ANKS6: variants seen among roughly 807,000 people sequenced by gnomAD.
ANKS6 encodes ankyrin repeat and SAM domain-containing protein 6.
In ANKS6, 47 loss-of-function variants were observed where a neutral mutation model predicts 77.9. The observed-to-expected ratio is 0.60, with a 90% CI of 0.48 to 0.77. ANKS6 has a LOEUF of 0.77. Among genes scored for constraint, ANKS6 ranks in the 30% least tolerant of loss-of-function variants. The pLI, the probability that ANKS6 is intolerant of heterozygous loss-of-function variation, is 0.00. For missense variants in ANKS6, 1,150 were observed against 1,159.1 expected (o/e 0.99, Z 0.11); for synonymous variants, 488 against 501.7 (o/e 0.97, Z 0.37).
intron 12 of ANKS6, 55 bp from the exon 13 acceptor site, chr9:98,751,151 G>T: frequency 1.4e-6 from 2 of 1,385,700 alleles, no homozygotes; most frequent in Non-Finnish European, 1.0e-6. Context: ...TGGTAAAGTG[G>T]TCTTCAAACC....
intron 6 of ANKS6, among the ~76,000 whole-genome samples, chr9:98,778,803 C>T (rs536480560): frequency 1.3e-5 from 2 of 152,332 alleles, no homozygotes; most frequent in Non-Finnish European, 2.9e-5. Flanking sequence ...CTCCAGATTC[C>T]TAAGCGTCTA....
In ANKS6 at chr9:98,733,534, C is replaced by T; in HGVS notation, c.*2985G>A. The T allele has an allele frequency of 1.0e-6, 1 of 985,506 alleles. No individual in the cohort carries two copies. The allele number at this position is 985,506 out of a possible 1,614,324, so 61.0% of individuals were successfully genotyped here. A position where few individuals can be genotyped will look rare whatever the true frequency, so the allele number is the denominator to read the frequency against. ...CTGCTGGGGAGAAAAAGGTGACCAC[C>T]AAGGGCCCTGACCCACTTCCAGGGC... On this transcript the variant is annotated 3_prime_UTR_variant, in exon 15 of 15. Coordinates refer to ENST00000353234, the MANE Select transcript of ANKS6 (RefSeq NM_173551.5).
chr9:98,787,549 A>G lies in ANKS6; in HGVS notation c.862+2555T>C. ...AAGTGCCTAGAAAGGTGCCTGATAC[A>G]TAGCAGGCCTCAGTACGTCTTTGTA... On this transcript the variant is annotated intron_variant, in intron 2 of 14. Transcript: ENST00000353234. Among the ~76,000 whole-genome samples the G allele has an allele frequency of 1.3e-5, 2 of 152,326 alleles. 1 individual carries two copies. Among genetic ancestry groups the G allele is most frequent in the African/African-American group, 4.8e-5 (2 of 41,568 alleles).
chr9:98,759,900 A>T (rs1189093725), intron 11 of ANKS6, among the ~76,000 whole-genome samples: 1 of 152,226 alleles, frequency 6.6e-6, no homozygotes, highest in Non-Finnish European at 1.5e-5. Context: ...AGGAGGAATA[A>T]GTTCTAGTGC....
intron 13 of ANKS6, among the ~76,000 whole-genome samples, chr9:98,749,594 T>C (rs1832321134): frequency 6.6e-6 from 1 of 152,078 alleles, no homozygotes; most frequent in South Asian, 2.1e-4. Flanking sequence ...ACACGATACT[T>C]CAAGAAGCAG....
At chr9:98,792,990 T>A (rs765024375) in intron 1 of ANKS6, among the ~76,000 whole-genome samples, 1 of 152,260 alleles carries the variant, frequency 6.6e-6, no homozygotes, top group Non-Finnish European at 1.5e-5. Flanking sequence ...AAGTTTCTAA[T>A]AGGTAACTGC....
rs540069911 is a variant in ANKS6, at chr9:98,787,565, C to T, written c.862+2539G>A. Among the ~76,000 whole-genome samples, 124 of 152,320 alleles carry T rather than the reference C, an allele frequency of 8.1e-4. 1 individual carries two copies. The highest frequency in any genetic ancestry group is 2.9e-3 in the African/African-American group (119 of 41,570). Reference sequence around the variant, plus strand: ...GCCTGATACATAGCAGGCCTCAGTACGTCTTTGTAAAGTATCGGAATGAAT... The same window carrying T: ...GCCTGATACATAGCAGGCCTCAGTATGTCTTTGTAAAGTATCGGAATGAAT... On this transcript the variant is annotated intron_variant, in intron 2 of 14. Coordinates refer to ENST00000353234, the MANE Select transcript of ANKS6 (RefSeq NM_173551.5).
In ANKS6 at chr9:98,773,962, T is replaced by C. The variant is rs373878773; in HGVS notation, c.1736A>G (p.His579Arg). 76 of 1,599,938 alleles carry C rather than the reference T, an allele frequency of 4.8e-5. No individual in the cohort carries two copies. The highest frequency in any genetic ancestry group is 6.0e-5 in the Non-Finnish European group (71 of 1,174,840). ...LWSSDRSRTR[H>R]NGKADPMKTA... ...CTTCATGGGGTCTGCCTTCCCGTTG[T>C]GACGCGTCCGGGACCGATCAGAGCT... The change falls in exon 9 of 15, where the codon CAC (histidine) becomes CGC (arginine). Residue 579 changes from histidine to arginine, a missense_variant. His to Arg is a conservative substitution (Grantham distance 29, BLOSUM62 0). Transcript: ENST00000353234.
intron 5 of ANKS6, among the ~76,000 whole-genome samples, chr9:98,780,651 T>C (rs1277871611): frequency 6.6e-6 from 1 of 152,244 alleles, no homozygotes; most frequent in Non-Finnish European, 1.5e-5. Context: ...TGTCCCTCCC[T>C]GGCTGTGTAA....
chr9:98,744,326 G>A (rs951918646), intron 14 of ANKS6, among the ~76,000 whole-genome samples: 4 of 152,170 alleles, frequency 2.6e-5, no homozygotes, highest in Non-Finnish European at 1.5e-5. Context: ...GGGCTGAGAG[G>A]AGCCGCCTCT....
intron 11 of ANKS6, among the ~76,000 whole-genome samples, chr9:98,767,667 C>T (rs908067082): frequency 2.6e-5 from 4 of 152,242 alleles, no homozygotes; most frequent in Non-Finnish European, 2.9e-5. Context: ...ACAGCCAACA[C>T]GGACATGAGC....
At chr9:98,745,064 G>A (rs541129887) in intron 14 of ANKS6, among the ~76,000 whole-genome samples, 27 of 152,274 alleles carry the variant, frequency 1.8e-4, no homozygotes, top group Middle Eastern at 3.4e-3. Context: ...CTTTAAAGCT[G>A]ATGAGAAATT....
In ANKS6 at chr9:98,733,313, A is replaced by G; in HGVS notation, c.*3206T>C. ...CTCCGTGGCCAGCAGGGACTTGGAC[A>G]TCCAGCACTCACGACACACCAGCAA... On this transcript the variant is annotated 3_prime_UTR_variant, in exon 15 of 15. Coordinates refer to ENST00000353234, the MANE Select transcript of ANKS6 (RefSeq NM_173551.5). The G allele has an allele frequency of 1.0e-6, 1 of 985,524 alleles. No homozygotes were observed. 61.0% of individuals were successfully genotyped at this position (985,524 alleles called of 1,614,324 possible). A position where few individuals can be genotyped will look rare whatever the true frequency, so the allele number is the denominator to read the frequency against.
In ANKS6 at chr9:98,782,578, G is replaced by A; in HGVS notation, c.1113-5C>T. The A allele has an allele frequency of 6.2e-7, 1 of 1,609,690 alleles. No homozygotes were observed. Among genetic ancestry groups the A allele is most frequent in the South Asian group, 1.1e-5 (1 of 90,550 alleles). On this transcript the variant is annotated splice_region_variant and splice_polypyrimidine_tract_variant and intron_variant, in intron 4 of 14. Transcript: ENST00000353234. ...TATTTCACAATTTCCTTATTCCTGG[G>A]AAAAAATGCTAGAGTTACATTCACT... is the stretch of plus-strand genomic sequence containing the variant.
intron 8 of ANKS6, among the ~76,000 whole-genome samples, chr9:98,774,903 C>T (rs867635017): frequency 2.7e-4 from 41 of 152,220 alleles, no homozygotes; most frequent in African/African-American, 9.9e-4. Flanking sequence ...GCCGAGCAGG[C>T]GGGCATCTCC....
At chr9:98,756,278 AGAG>A in intron 12 of ANKS6, 139 bp downstream of exon 12, 1 of 874,170 alleles carries the variant, frequency 1.1e-6, no homozygotes, top group Non-Finnish European at 1.7e-6. Context: ...CAATCAGAGA[AGAG>A]GAGGGACATG....
intron 2 of ANKS6, among the ~76,000 whole-genome samples, chr9:98,789,271 A>C (rs1834755266): frequency 6.6e-6 from 1 of 152,072 alleles, no homozygotes; most frequent in African/African-American, 2.4e-5. Context: ...CTGCCGTCGA[A>C]GTCAGGCCTT....
At chr9:98,747,595 C>T (rs1022821003) in intron 13 of ANKS6, among the ~76,000 whole-genome samples, 3 of 152,108 alleles carry the variant, frequency 2.0e-5, no homozygotes, top group Non-Finnish European at 4.4e-5. Context: ...ACCTGCCCCC[C>T]GCCCTGCTGG....
intron 1 of ANKS6, among the ~76,000 whole-genome samples, chr9:98,795,126 G>C (rs1835104544): frequency 1.3e-5 from 2 of 152,070 alleles, no homozygotes; most frequent in Admixed American, 1.3e-4. Flanking sequence ...CCAAGGGCCA[G>C]TCGTCAACTC....
Sources: allele counts gnomAD v4.1 joint callset (sites outside exome capture counted in the v4.1 genomes callset), GRCh38; gene constraint gnomAD v4.1.1; transcripts MANE v1.5; gene names NCBI Gene and HGNC (gene_info 2026-07-23, HGNC 2026-07-21).